CCT5: variants seen among roughly 807,000 people sequenced by gnomAD.
CCT5 encodes the protein T-complex protein 1 subunit epsilon.
Under a neutral mutation model 55.0 loss-of-function variants are expected in CCT5, and 6 were observed. That is an observed-to-expected ratio of 0.11 (90% CI 0.06 to 0.22). The LOEUF is 0.22. CCT5 is among the 10% of genes least tolerant of loss of function. The probability of loss-of-function intolerance (pLI) is 1.00; values close to 1 mark genes in which losing one functional copy is unlikely to be tolerated. For missense variants in CCT5, 560 were observed against 694.6 expected (o/e 0.81, Z 2.18); for synonymous variants, 231 against 243.7 (o/e 0.95, Z 0.49).
chr5:10,250,602 C>T (rs1205485409), intron 1 of CCT5, 157 bp downstream of exon 1: 14 of 1,466,582 alleles, frequency 9.5e-6, no homozygotes, highest in Admixed American at 4.9e-5. Context: ...AGCCCGCTTA[C>T]TGAGCTCGGG....
At chr5:10,262,646 A>G (rs1190808336) in intron 9 of CCT5, 28 bp downstream of exon 9, 16 of 1,613,376 alleles carry the variant, frequency 9.9e-6, no homozygotes, top group Non-Finnish European at 1.2e-5. Flanking sequence ...ACTTAGTGAA[A>G]GATTCAGGCC....
Position 10,258,107 on chromosome 5 carries a change from T to A in CCT5, c.531-4T>A. 1.9e-6 allele frequency: 3 copies of A among 1,613,972 alleles called. No homozygotes were observed. Among genetic ancestry groups the A allele is most frequent in the Non-Finnish European group, 2.5e-6 (3 of 1,179,992 alleles). On this transcript the variant is annotated splice_polypyrimidine_tract_variant and splice_region_variant and intron_variant, in intron 4 of 10. Coordinates refer to ENST00000280326, the MANE Select transcript of CCT5 (RefSeq NM_012073.5). The stretch of plus-strand genomic sequence containing the variant: ...TGAAGTTTGTTTTGTGGTGTTTTCC[T>A]CAGGGTCAACAGTTGTCACCGACAG...
At chr5:10,263,812 C>T (rs925510192) in intron 10 of CCT5, among the ~76,000 whole-genome samples, 1 of 152,202 alleles carries the variant, frequency 6.6e-6, no homozygotes, top group African/African-American at 2.4e-5. Flanking sequence ...CATTTCTGTA[C>T]TAAATCAGGC....
At chr5:10,262,345 G>A in intron 8 of CCT5, 136 bp from the exon 9 acceptor site, 1 of 964,476 alleles carries the variant, frequency 1.0e-6, no homozygotes, top group South Asian at 1.4e-5. Context: ...AAGCTAGAAA[G>A]ATAAATATTA....
chr5:10,263,869 T>C (rs1746100736), intron 10 of CCT5, among the ~76,000 whole-genome samples: 1 of 152,218 alleles, frequency 6.6e-6, no homozygotes, highest in African/African-American at 2.4e-5. Context: ...CTTAAAGGTA[T>C]AGGTACATTC....
chr5:10,261,059 A>G (rs775986656), intron 7 of CCT5, 148 bp downstream of exon 7: 1 of 826,556 alleles, frequency 1.2e-6, no homozygotes, highest in South Asian at 1.3e-5. Context: ...AAAGCGCTGG[A>G]ATCTTTGTTA....
At position 10,258,013 on chromosome 5, in the gene CCT5, G is replaced by A. The variant is rs2457156; in HGVS notation, c.531-98G>A. On this transcript the variant is annotated intron_variant, in intron 4 of 10. Transcript: ENST00000280326. ...TCCCCTCTAGAAGACTCAAAACATC[G>A]TTTGATTTATATCTTTGAGTAACAT... The A allele has an allele frequency of 0.82, 1,047,365 of 1,275,606 alleles. 436,500 individuals carry two copies. The highest frequency in any genetic ancestry group is 0.89 in the East Asian group (36,520 of 41,062). The allele number at this position is 1,275,606 out of a possible 1,614,324, so 79.0% of individuals were successfully genotyped here. A position where few individuals can be genotyped will look rare whatever the true frequency, so the allele number is the denominator to read the frequency against.
At chr5:10,253,956 G>C (rs1026646669) in intron 1 of CCT5, among the ~76,000 whole-genome samples, 189 bp from the exon 2 acceptor site, 1 of 152,184 alleles carries the variant, frequency 6.6e-6, no homozygotes, top group Admixed American at 6.5e-5. Context: ...CTTTCTTTAC[G>C]TAAGAATTGC....
chr5:10,250,499 T>C, intron 1 of CCT5, 54 bp downstream of exon 1: 7 of 1,603,574 alleles, frequency 4.4e-6, no homozygotes, highest in Non-Finnish European at 6.0e-6. Flanking sequence ...GCCGAGGCCG[T>C]GGCTCTGCGC....
chr5:10,258,725 G>A (rs1483779997), intron 6 of CCT5, among the ~76,000 whole-genome samples, 190 bp downstream of exon 6: 2 of 152,210 alleles, frequency 1.3e-5, no homozygotes, highest in South Asian at 2.1e-4. Flanking sequence ...TTCAGGCCAG[G>A]TGCAGTGGCC....
chr5:10,258,356 CA>C, intron 5 of CCT5, 29 bp from the exon 6 acceptor site: 1 of 1,613,936 alleles, frequency 6.2e-7, no homozygotes, highest in South Asian at 1.1e-5. Flanking sequence ...TTAATTCCAC[CA>C]ATTAAAATGT....
At chr5:10,255,114 A>G in intron 3 of CCT5, 1 of 447,066 alleles carries the variant, frequency 2.2e-6, no homozygotes, top group Non-Finnish European at 4.2e-6. Context: ...GATGTTTGGG[A>G]AACGTGGAAG....
chr5:10,255,582 G>A (rs537737914), intron 3 of CCT5, among the ~76,000 whole-genome samples: 88 of 93,626 alleles, frequency 9.4e-4, no homozygotes, highest in Non-Finnish European at 1.9e-3. Context: ...GGATGGGGGT[G>A]GGGGGAATAA....
chr5:10,254,154 A>G lies in CCT5; in HGVS notation c.115A>G (p.Met39Val). Residue 39 changes from methionine to valine, a missense_variant, in exon 2 of 11, where the codon ATG becomes GTG. Coordinates refer to ENST00000280326, the MANE Select transcript of CCT5 (RefSeq NM_012073.5). ...MGLEALKSHI[M>V]AAKAVANTMR... ...CTGTTTGTTTCATTAGTCTCATATAATGGCAGCAAAGGCTGTAGCAAATAC... is the reference window on the plus strand; with the variant it reads ...CTGTTTGTTTCATTAGTCTCATATAGTGGCAGCAAAGGCTGTAGCAAATAC... 6.2e-7 allele frequency: 1 copy of G among 1,606,912 alleles called. No individual in the cohort carries two copies. The highest frequency in any genetic ancestry group is 8.5e-7 in the Non-Finnish European group (1 of 1,173,594).
upstream of CCT5, chr5:10,249,962 G>A: frequency 6.6e-7 from 1 of 1,520,750 alleles, no homozygotes; most frequent in Non-Finnish European, 8.8e-7. Context: ...CATCTTCTCG[G>A]AGCCGGAGTG....
chr5:10,264,528 C>T (rs1251119528), intron 10 of CCT5, 128 bp from the exon 11 acceptor site: 1 of 732,654 alleles, frequency 1.4e-6, no homozygotes, highest in African/African-American at 1.8e-5. Flanking sequence ...AAATTAGTGG[C>T]TTCCTGCTTG....
chr5:10,261,058 G>T, intron 7 of CCT5, 147 bp downstream of exon 7: 1 of 836,268 alleles, frequency 1.2e-6, no homozygotes, highest in South Asian at 1.3e-5. Flanking sequence ...GAAAGCGCTG[G>T]AATCTTTGTT....
intron 1 of CCT5, among the ~76,000 whole-genome samples, chr5:10,251,797 T>C (rs1745434078): frequency 6.6e-6 from 1 of 152,242 alleles, no homozygotes; most frequent in Non-Finnish European, 1.5e-5. Context: ...TATTCCATTT[T>C]ATTTTCCACT....
rs1170598436 is a variant in CCT5 at position 10,260,925 on chromosome 5, C to T, written c.993+14C>T. On this transcript the variant is annotated intron_variant, in intron 7 of 10. Transcript: ENST00000280326. ...CCTGAAATTGAGGTAGGATGTTCCA[C>T]GTGAAGAGACTTTGAGAAGTAGGGG... is the stretch of plus-strand genomic sequence containing the variant. The T allele has an allele frequency of 2.5e-6, 4 of 1,613,656 alleles. No individual in the cohort carries two copies. Among genetic ancestry groups the T allele is most frequent in the African/African-American group, 1.3e-5 (1 of 75,024 alleles).
Sources: gnomAD v4.1 joint callset for allele counts (sites outside exome capture counted in the v4.1 genomes callset) on GRCh38, gnomAD v4.1.1 for gene constraint, MANE v1.5 for transcripts, NCBI Gene and HGNC (gene_info 2026-07-23, HGNC 2026-07-21) for gene names.